Variants in ADAMTSL1 observed in about 807,000 individuals in gnomAD.
ADAMTSL1 encodes ADAMTS like 1.
Under a neutral mutation model 201.8 loss-of-function variants are expected in ADAMTSL1, and 126 were observed. That is an observed-to-expected ratio of 0.62 (90% CI 0.54 to 0.72). ADAMTSL1 has a LOEUF of 0.72. Among genes scored for constraint, ADAMTSL1 ranks in the 30% least tolerant of loss-of-function variants. The pLI, the probability that ADAMTSL1 is intolerant of heterozygous loss-of-function variation, is 0.00. For synonymous variants in ADAMTSL1, 1,121 were observed against 903.4 expected, an observed-to-expected ratio of 1.24 and a Z score of -4.32; for missense variants, 2,679 against 2,277.8, an observed-to-expected ratio of 1.18 and a Z score of -3.59.
At chr9:18,816,884 C>G (rs1047805157) in intron 20 of ADAMTSL1, among the ~76,000 whole-genome samples, 53 of 151,878 alleles carry the variant, frequency 3.5e-4, no homozygotes, top group African/African-American at 1.3e-3. Context: ...ATTAGCATAT[C>G]CATCATTGCA....
intron 3 of ADAMTSL1, among the ~76,000 whole-genome samples, chr9:18,546,170 A>G (rs1032805567): frequency 1.3e-5 from 2 of 152,146 alleles, no homozygotes; most frequent in African/African-American, 2.4e-5. Context: ...AGGTTTGGCT[A>G]TATTTTTCTT....
At position 18,574,352 on chromosome 9, in the gene ADAMTSL1, T is replaced by C. The variant is rs558926960; in HGVS notation, c.474+86T>C. 5 of 1,169,318 alleles carry C rather than the reference T, an allele frequency of 4.3e-6. No homozygotes were observed. In the South Asian group the frequency reaches 6.2e-5, roughly 14 times the overall value. 72.4% of individuals were successfully genotyped at this position (1,169,318 alleles called of 1,614,324 possible). On this transcript the variant is annotated intron_variant, in intron 4 of 28. Coordinates refer to ENST00000380548, the MANE Select transcript of ADAMTSL1 (RefSeq NM_001040272.6). ...GGTTTACATAGTCTCACTCTCTGAA[T>C]CACTCATCTTTACACTTTTTAGAGT...
At chr9:17,986,186 A>T (rs889611807) in intron 1 of ADAMTSL1, among the ~76,000 whole-genome samples, 2 of 152,056 alleles carry the variant, frequency 1.3e-5, no homozygotes, top group African/African-American at 4.8e-5. Context: ...GGTATGCTTT[A>T]AGGAATATTA....
At chr9:17,926,043 C>G (rs73414878) in intron 1 of ADAMTSL1, among the ~76,000 whole-genome samples, 4,534 of 152,132 alleles carry the variant, frequency 0.03, 233 homozygotes, top group African/African-American at 0.1. Context: ...CTACCACAAA[C>G]CAGCCAAACA....
At chr9:18,889,438 T>G in intron 24 of ADAMTSL1, 130 bp from the exon 25 acceptor site, 1 of 1,007,704 alleles carries the variant, frequency 9.9e-7, no homozygotes, top group Non-Finnish European at 1.4e-6. Flanking sequence ...AGGGCCTCAT[T>G]TATAATAGCT....
At chr9:18,811,440 C>G (rs188033711) in intron 20 of ADAMTSL1, among the ~76,000 whole-genome samples, 79 of 152,256 alleles carry the variant, frequency 5.2e-4, no homozygotes, top group African/African-American at 1.8e-3. Flanking sequence ...AGGCTCCTCC[C>G]ACAGCTGTGT....
At chr9:17,959,063 A>C (rs1164380319) in intron 1 of ADAMTSL1, among the ~76,000 whole-genome samples, 1 of 152,190 alleles carries the variant, frequency 6.6e-6, no homozygotes, top group Admixed American at 6.6e-5. Context: ...TTACTACTGT[A>C]ATATAGTATT....
At chr9:18,368,587 T>C (rs1836893708) in intron 2 of ADAMTSL1, among the ~76,000 whole-genome samples, 1 of 152,242 alleles carries the variant, frequency 6.6e-6, no homozygotes. Context: ...GTGGCAGGAT[T>C]GGAGTGTAGA....
chr9:18,787,951 G>A (rs1009662554), intron 19 of ADAMTSL1, among the ~76,000 whole-genome samples: 2 of 152,160 alleles, frequency 1.3e-5, no homozygotes, highest in Non-Finnish European at 2.9e-5. Flanking sequence ...GAAAGAGAAG[G>A]AAGTTAAAGG....
chr9:18,775,766 C>A lies in ADAMTSL1; in HGVS notation c.2421C>A (p.Gly807=). 6.2e-7 allele frequency: 1 copy of A among 1,613,056 alleles called. No individual in the cohort carries two copies. The highest frequency in any genetic ancestry group is 8.5e-7 in the Non-Finnish European group (1 of 1,179,532). ...AGTGTTCCACAAGCTGCGGGGAAGGCACCCAGACTCGAAGCGCCATTTGCC... is the reference window on the plus strand; with the variant it reads ...AGTGTTCCACAAGCTGCGGGGAAGGAACCCAGACTCGAAGCGCCATTTGCC... ...WTECSTSCGE[G]TQTRSAICRK... is the part of the protein sequence containing the mutation. The change falls in exon 18 of 29, where the codon GGC becomes GGA. Residue 807 remains glycine (G), a synonymous_variant. Coordinates refer to ENST00000380548, the MANE Select transcript of ADAMTSL1 (RefSeq NM_001040272.6).
intron 2 of ADAMTSL1, among the ~76,000 whole-genome samples, chr9:18,345,856 C>T (rs1189774809): frequency 6.6e-6 from 1 of 152,068 alleles, no homozygotes. Context: ...ATCCAGAAGA[C>T]CATGTGACAG....
intron 2 of ADAMTSL1, among the ~76,000 whole-genome samples, chr9:18,425,484 A>C (rs754745582): frequency 6.6e-6 from 1 of 152,178 alleles, no homozygotes; most frequent in Non-Finnish European, 1.5e-5. Flanking sequence ...AATATCCAAG[A>C]GCACTTCAAA....
rs375082795 is a variant in ADAMTSL1, at chr9:18,344,354, G to A, written c.208-160475G>A. Among the ~76,000 whole-genome samples the A allele has an allele frequency of 4.5e-4, 69 of 151,758 alleles. No homozygotes were observed. The East Asian group carries it at 6.2e-3, about 14-fold the overall frequency. ...TTTATTTTTATAGAGATGGGATCTC[G>A]TTATGTTGTCCAGGCTGGTCTCAAA... is the stretch of plus-strand genomic sequence containing the variant. On this transcript the variant is annotated intron_variant, in intron 2 of 29. Coordinates refer to the ADAMTSL1 transcript ENST00000680146.
At chr9:18,658,136 G>C (rs1013641254) in intron 8 of ADAMTSL1, among the ~76,000 whole-genome samples, 1 of 152,074 alleles carries the variant, frequency 6.6e-6, no homozygotes, top group African/African-American at 2.4e-5. Context: ...CACCACGCCC[G>C]GCTAATTTTT....
At chr9:18,140,691 T>C (rs11788314) in intron 1 of ADAMTSL1, among the ~76,000 whole-genome samples, 5,796 of 152,244 alleles carry the variant, frequency 0.038, 140 homozygotes, top group Non-Finnish European at 0.054. Flanking sequence ...GTTCTGAGAA[T>C]GGTGGGAGCA....
intron 1 of ADAMTSL1, among the ~76,000 whole-genome samples, chr9:17,937,295 A>G (rs1323215178): frequency 2.0e-5 from 3 of 152,052 alleles, no homozygotes; most frequent in African/African-American, 4.8e-5. Flanking sequence ...GGGAGGCTTT[A>G]TCTGCATTTT....
intron 3 of ADAMTSL1, among the ~76,000 whole-genome samples, chr9:18,555,681 G>C (rs925391322): frequency 2.0e-5 from 3 of 151,976 alleles, no homozygotes; most frequent in African/African-American, 7.2e-5. Context: ...ATAGGGAGTT[G>C]TCAGAGAAGG....
intron 2 of ADAMTSL1, among the ~76,000 whole-genome samples, chr9:18,310,691 A>G (rs991740957): frequency 1.3e-5 from 2 of 152,208 alleles, no homozygotes; most frequent in African/African-American, 4.8e-5. Flanking sequence ...CGATCATTAA[A>G]AAGTCAGGAA....
At chr9:18,680,831 A>C (rs1049968563) in intron 11 of ADAMTSL1, 2 of 360,448 alleles carry the variant, frequency 5.5e-6, no homozygotes, top group Non-Finnish European at 1.0e-5. Context: ...CGAATCTGTA[A>C]AAGCTGCTTT....
Sources: gnomAD v4.1 joint callset for allele counts (sites outside exome capture counted in the v4.1 genomes callset) on GRCh38, gnomAD v4.1.1 for gene constraint, MANE v1.5 for transcripts, NCBI Gene and HGNC (gene_info 2026-07-23, HGNC 2026-07-21) for gene names.